ARHGAP12: variants seen among roughly 807,000 people sequenced by gnomAD.
ARHGAP12 encodes the protein Rho GTPase activating protein 12, also known as rho GTPase-activating protein 12.
In ARHGAP12, 64 loss-of-function variants were observed where a neutral mutation model predicts 108.6. The observed-to-expected ratio is 0.59, with a 90% CI of 0.48 to 0.73. The LOEUF is 0.73. Among genes scored for constraint, ARHGAP12 ranks in the 30% least tolerant of loss-of-function variants. The pLI, the probability that ARHGAP12 is intolerant of heterozygous loss-of-function variation, is 0.00. For missense variants in ARHGAP12, 940 were observed against 1,005.9 expected (o/e 0.93, Z 0.89); for synonymous variants, 312 against 337.2 (o/e 0.93, Z 0.82).
At chr10:31,921,071 G>C (rs1839785383) in intron 1 of ARHGAP12, among the ~76,000 whole-genome samples, 1 of 152,072 alleles carries the variant, frequency 6.6e-6, no homozygotes. Context: ...GAGGCCAAGA[G>C]TTCAAGACCA....
chr10:31,915,738 G>A (rs1355893045), intron 1 of ARHGAP12, among the ~76,000 whole-genome samples: 1 of 152,082 alleles, frequency 6.6e-6, no homozygotes, highest in Non-Finnish European at 1.5e-5. Context: ...AAAATGTGCT[G>A]AGAATGTGGA....
rs977576706 is a variant in ARHGAP12 at position 31,806,962 on chromosome 10, A to G, written c.*696T>C. Reference sequence around the variant, plus strand: ...TAATTAGGATTGTTAGCTACAATTCAGTATAGCAAGACAGCCCTAAAATGC... The same window carrying G: ...TAATTAGGATTGTTAGCTACAATTCGGTATAGCAAGACAGCCCTAAAATGC... On this transcript the variant is annotated 3_prime_UTR_variant, in exon 20 of 20. Transcript: ENST00000344936. The G allele has an allele frequency of 6.6e-6, 1 of 152,450 alleles. No individual in the cohort carries two copies. Among genetic ancestry groups the G allele is most frequent in the African/African-American group, 2.4e-5 (1 of 41,454 alleles). The allele number at this position is 152,450 out of a possible 1,614,324, so 9.4% of individuals were successfully genotyped here. A position where few individuals can be genotyped will look rare whatever the true frequency, so the allele number is the denominator to read the frequency against.
chr10:31,877,057 G>A (rs1837759455), intron 3 of ARHGAP12, among the ~76,000 whole-genome samples: 1 of 152,126 alleles, frequency 6.6e-6, no homozygotes, highest in African/African-American at 2.4e-5. Context: ...TTTTTCATCA[G>A]GCATCTCAAT....
At chr10:31,928,535 GCGCCGCCGCCGC>G (rs557487682) in intron 1 of ARHGAP12, 136 bp downstream of exon 1, 1 of 151,816 alleles carries the variant, frequency 6.6e-6, no homozygotes, top group African/African-American at 2.4e-5. Context: ...CACCTCCGCG[GCGCCGCCGCCGC>G]CGCCGCCGCG....
intron 13 of ARHGAP12, among the ~76,000 whole-genome samples, 197 bp from the exon 14 acceptor site, chr10:31,814,558 A>T (rs1368958195): frequency 2.6e-5 from 4 of 152,244 alleles, no homozygotes; most frequent in African/African-American, 7.2e-5. Flanking sequence ...TGATTTTTTT[A>T]AAAAAGAAAT....
chr10:31,892,804 T>C (rs1026400558), intron 3 of ARHGAP12, among the ~76,000 whole-genome samples: 2 of 152,224 alleles, frequency 1.3e-5, no homozygotes, highest in African/African-American at 4.8e-5. Flanking sequence ...ATATACATTC[T>C]TCTCAGCACA....
chr10:31,904,673 C>T (rs539980099), intron 3 of ARHGAP12, among the ~76,000 whole-genome samples: 8 of 152,308 alleles, frequency 5.3e-5, no homozygotes, highest in African/African-American at 1.7e-4. Flanking sequence ...GTTGCCCAAG[C>T]TGGAGTGCAA....
chr10:31,892,754 T>G (rs1209719462), intron 3 of ARHGAP12, among the ~76,000 whole-genome samples: 3 of 152,232 alleles, frequency 2.0e-5, no homozygotes, highest in Non-Finnish European at 4.4e-5. Context: ...CAAGCAGATC[T>G]AATAGACATC....
intron 12 of ARHGAP12, 103 bp downstream of exon 12, chr10:31,820,284 T>C: frequency 2.3e-6 from 2 of 856,794 alleles, no homozygotes; most frequent in Non-Finnish European, 3.4e-6. Context: ...CAACTTTGCC[T>C]TAACTAGTCA....
chr10:31,834,738 A>G (rs894253405), intron 9 of ARHGAP12, among the ~76,000 whole-genome samples: 3 of 152,236 alleles, frequency 2.0e-5, no homozygotes, highest in Non-Finnish European at 2.9e-5. Flanking sequence ...TACATATATG[A>G]TGAAGTAATT....
intron 7 of ARHGAP12, among the ~76,000 whole-genome samples, chr10:31,841,975 A>G (rs1005634231): frequency 1.3e-5 from 2 of 152,162 alleles, no homozygotes; most frequent in Non-Finnish European, 2.9e-5. Flanking sequence ...AAAATAAGTA[A>G]ATCTCTAATC....
At chr10:31,888,645 A>C (rs1387185553) in intron 3 of ARHGAP12, among the ~76,000 whole-genome samples, 1 of 152,180 alleles carries the variant, frequency 6.6e-6, no homozygotes. Flanking sequence ...CATGGGCCTA[A>C]ACATTCCCCT....
At chr10:31,824,827 A>G (rs559178343) in intron 11 of ARHGAP12, among the ~76,000 whole-genome samples, 1 of 152,248 alleles carries the variant, frequency 6.6e-6, no homozygotes, top group Admixed American at 6.5e-5. Context: ...GATACTTTTA[A>G]AAGTGACTTA....
chr10:31,823,881 T>C (rs1419115809), intron 11 of ARHGAP12, among the ~76,000 whole-genome samples: 1 of 152,148 alleles, frequency 6.6e-6, no homozygotes, highest in Non-Finnish European at 1.5e-5. Context: ...TATTCTCAGG[T>C]AAGATGTGAT....
chr10:31,884,574 T>C (rs982101998), intron 3 of ARHGAP12, among the ~76,000 whole-genome samples: 6 of 152,244 alleles, frequency 3.9e-5, no homozygotes, highest in African/African-American at 1.4e-4. Flanking sequence ...ATGTGGAATC[T>C]AAAAATCATA....
chr10:31,905,575 A>G (rs2132447169), intron 3 of ARHGAP12, among the ~76,000 whole-genome samples: 1 of 152,328 alleles, frequency 6.6e-6, no homozygotes, highest in East Asian at 1.9e-4. Context: ...AAAGGAAGAT[A>G]AAAGATGCTC....
chr10:31,808,622 C>T lies in ARHGAP12; in HGVS notation c.2366+27G>A, dbSNP rs370969355. On this transcript the variant is annotated intron_variant, in intron 19 of 19. Coordinates refer to ENST00000344936, the MANE Select transcript of ARHGAP12 (RefSeq NM_018287.7). ...TCCCGCTTCCCCTTGTGCTATACCA[C>T]ATCCCATGACTGGGCAGTCCTCCTA... 146 of 1,604,810 alleles carry T rather than the reference C, an allele frequency of 9.1e-5. No individual in the cohort carries two copies. The African/African-American group carries it at 1.9e-3, about 20-fold the overall frequency.
At chr10:31,893,920 C>G (rs1298862560) in intron 3 of ARHGAP12, among the ~76,000 whole-genome samples, 1 of 152,178 alleles carries the variant, frequency 6.6e-6, no homozygotes, top group Non-Finnish European at 1.5e-5. Flanking sequence ...GGCTTCATCC[C>G]TGGGATGCAA....
chr10:31,850,850 C>A (rs1175565960), intron 6 of ARHGAP12, among the ~76,000 whole-genome samples: 3 of 152,086 alleles, frequency 2.0e-5, no homozygotes, highest in Non-Finnish European at 4.4e-5. Flanking sequence ...AAGGTTTTAT[C>A]TTCAGAATCA....
Sources: gnomAD v4.1 joint callset for allele counts (sites outside exome capture counted in the v4.1 genomes callset) on GRCh38, gnomAD v4.1.1 for gene constraint, MANE v1.5 for transcripts, NCBI Gene and HGNC (gene_info 2026-07-23, HGNC 2026-07-21) for gene names.